Variants in FAM133B observed in about 807,000 individuals in gnomAD.
The protein encoded by FAM133B is protein FAM133B.
A neutral mutation model predicts 46.4 loss-of-function variants in FAM133B; 25 were observed. The ratio of observed to expected loss-of-function variants is 0.54; its 90% CI spans 0.39 to 0.75. FAM133B has a LOEUF of 0.75. FAM133B is among the 30% of genes least tolerant of loss of function. The pLI, the probability that FAM133B is intolerant of heterozygous loss-of-function variation, is 0.00. For missense variants in FAM133B, 205 were observed against 277.6 expected (o/e 0.74, Z 1.86); for synonymous variants, 75 against 86.0 (o/e 0.87, Z 0.71).
At chr7:92,582,614 G>A (rs1299699869) in intron 1 of FAM133B, among the ~76,000 whole-genome samples, 1 of 152,126 alleles carries the variant, frequency 6.6e-6, no homozygotes, top group African/African-American at 2.4e-5. Flanking sequence ...TATCCAGAAT[G>A]TAAAATGAGC....
intron 3 of FAM133B, 146 bp downstream of exon 3, chr7:92,579,171 G>A (rs1161111558): frequency 2.7e-5 from 17 of 622,102 alleles, no homozygotes; most frequent in South Asian, 1.3e-4. Flanking sequence ...AGACAAGGGC[G>A]GCGGGGGGGG....
At position 92,578,227 on chromosome 7, in the gene FAM133B, T is replaced by C. The variant is rs562978346; in HGVS notation, c.277-45A>G. The stretch of plus-strand genomic sequence containing the variant: ...CAAGTCTAAATAAGCTGATGTGAGT[T>C]TGCAAATGCATCTATTAACAGTAGT... On this transcript the variant is annotated intron_variant, in intron 4 of 10. Transcript: ENST00000445716. 14 of 1,604,990 alleles carry C rather than the reference T, an allele frequency of 8.7e-6. No individual in the cohort carries two copies. In the South Asian group the frequency reaches 1.5e-4, roughly 18 times the overall value.
intron 9 of FAM133B, among the ~76,000 whole-genome samples, chr7:92,566,899 G>A (rs1794366504): frequency 6.6e-6 from 1 of 152,130 alleles, no homozygotes; most frequent in Admixed American, 6.6e-5. Context: ...ATCTTTTTGA[G>A]TGTGGTACAC....
At chr7:92,564,614 C>T (rs1794273495) in intron 10 of FAM133B, among the ~76,000 whole-genome samples, 2 of 152,176 alleles carry the variant, frequency 1.3e-5, no homozygotes, top group African/African-American at 2.4e-5. Flanking sequence ...GGGGAGCCTT[C>T]CTATCAGAGA....
At chr7:92,563,960 A>C (rs1299081505) in intron 10 of FAM133B, among the ~76,000 whole-genome samples, 1 of 152,182 alleles carries the variant, frequency 6.6e-6, no homozygotes, top group Non-Finnish European at 1.5e-5. Flanking sequence ...CTCCTGTACC[A>C]AAGGATTTAC....
chr7:92,583,398 C>T (rs925523995), intron 1 of FAM133B, among the ~76,000 whole-genome samples: 8 of 152,164 alleles, frequency 5.3e-5, no homozygotes, highest in African/African-American at 1.7e-4. Context: ...GGTTGCACAA[C>T]ACTATGAATG....
chr7:92,580,037 T>C lies in FAM133B; in HGVS notation c.123-642A>G, dbSNP rs572833191. ...CCTAAAACTGTTTGTACAAACAATG[T>C]AGTTCAAGCTAAATACCTGTTTTCC... On this transcript the variant is annotated intron_variant, in intron 2 of 10. Coordinates refer to ENST00000445716, the MANE Select transcript of FAM133B (RefSeq NM_152789.4). 8.5e-5 allele frequency among the ~76,000 whole-genome samples: 13 copies of C among 152,272 alleles called. 1 individual carries two copies. In the East Asian group the frequency reaches 1.7e-3, roughly 20 times the overall value.
At chr7:92,565,176 A>T in intron 10 of FAM133B, among the ~76,000 whole-genome samples, 1 of 139,902 alleles carries the variant, frequency 7.1e-6, no homozygotes, top group Admixed American at 7.4e-5. Flanking sequence ...TTTAAGACGG[A>T]GTCTTGCTCT....
rs866529757 is a variant in FAM133B at position 92,575,937 on chromosome 7, C to A, written c.466-116G>T. On this transcript the variant is annotated intron_variant, in intron 7 of 10. Transcript: ENST00000445716. ...ATGACTGAAAAAAGGCTACTCCAAT[C>A]CCAGTATATTATTCCGAAAATTTAA... The A allele has an allele frequency of 8.9e-5, 40 of 447,284 alleles. 2 individuals are homozygous for A. In the Middle Eastern group the frequency reaches 5.2e-3, roughly 58 times the overall value. 27.7% of individuals were successfully genotyped at this position (447,284 alleles called of 1,614,324 possible). A position where few individuals can be genotyped will look rare whatever the true frequency, so the allele number is the denominator to read the frequency against.
rs145078617 is a variant in FAM133B at position 92,565,898 on chromosome 7, T to G, written c.657+116A>C. 669 of 1,124,626 alleles carry G rather than the reference T, an allele frequency of 5.9e-4. 10 individuals carry two copies. The East Asian group carries it at 0.014, about 23-fold the overall frequency. The allele number at this position is 1,124,626 out of a possible 1,614,324, so 69.7% of individuals were successfully genotyped here. Reference sequence around the variant, plus strand: ...TGAAGCTGCTGAACACACCACACCTTTCCCAACAAATACTTATTTGGTCCC... The same window carrying G: ...TGAAGCTGCTGAACACACCACACCTGTCCCAACAAATACTTATTTGGTCCC... On this transcript the variant is annotated intron_variant, in intron 10 of 10. Transcript: ENST00000445716.
At chr7:92,590,055 A>G (rs776344688) in intron 1 of FAM133B, 2 of 633,622 alleles carry the variant, frequency 3.2e-6, no homozygotes, top group African/African-American at 1.9e-5. Context: ...GAGGGAAGAA[A>G]AAAGGGGCGG....
intron 10 of FAM133B, among the ~76,000 whole-genome samples, chr7:92,562,687 G>A (rs2116369045): frequency 6.6e-6 from 1 of 152,060 alleles, no homozygotes; most frequent in South Asian, 2.1e-4. Flanking sequence ...AACTTCTAAA[G>A]GTAAAGTAAT....
chr7:92,568,103 T>G (rs1455320351), intron 9 of FAM133B, among the ~76,000 whole-genome samples: 1 of 152,042 alleles, frequency 6.6e-6, no homozygotes, highest in Non-Finnish European at 1.5e-5. Flanking sequence ...TTTATTTTTT[T>G]AAAGAGATAG....
chr7:92,569,541 T>A, intron 9 of FAM133B: 1 of 193,366 alleles, frequency 5.2e-6, no homozygotes, highest in Non-Finnish European at 1.1e-5. Context: ...GCTTCTTTCA[T>A]GTAACAAGAA....
chr7:92,573,786 T>A (rs1794608960), intron 8 of FAM133B, among the ~76,000 whole-genome samples: 1 of 152,126 alleles, frequency 6.6e-6, no homozygotes, highest in African/African-American at 2.4e-5. Flanking sequence ...CTTTCCTTGA[T>A]CAGTTAATAT....
intron 1 of FAM133B, among the ~76,000 whole-genome samples, chr7:92,586,691 T>C (rs1229865073): frequency 1.3e-5 from 2 of 152,162 alleles, no homozygotes; most frequent in Non-Finnish European, 2.9e-5. Context: ...CAAGGGGATA[T>C]GTATGGGGGC....
chr7:92,570,935 C>T (rs1005036573), intron 8 of FAM133B, among the ~76,000 whole-genome samples: 2 of 152,294 alleles, frequency 1.3e-5, no homozygotes, highest in East Asian at 3.9e-4. Context: ...TACAATATTA[C>T]ATAAATACCT....
Position 92,590,307 on chromosome 7 carries a change from G to T in FAM133B, c.-16C>A. The T allele has an allele frequency of 6.2e-7, 1 of 1,613,764 alleles. No homozygotes were observed. The highest frequency in any genetic ancestry group is 1.7e-5 in the Admixed American group (1 of 60,024). The stretch of plus-strand genomic sequence containing the variant: ...GCTTCCCCATGGTGCTGGATCGAGC[G>T]CACAGTAGCACGCCGAGGGAAACCG... On this transcript the variant is annotated 5_prime_UTR_variant, in exon 1 of 11. Transcript: ENST00000445716.
chr7:92,578,248 G>T, intron 4 of FAM133B, 66 bp from the exon 5 acceptor site: 1 of 1,594,578 alleles, frequency 6.3e-7, no homozygotes, highest in Non-Finnish European at 8.6e-7. Context: ...TCTATTAACA[G>T]TAGTATACAG....
Sources: gnomAD v4.1 joint callset for allele counts (sites outside exome capture counted in the v4.1 genomes callset) on GRCh38, gnomAD v4.1.1 for gene constraint, MANE v1.5 for transcripts, NCBI Gene and HGNC (gene_info 2026-07-23, HGNC 2026-07-21) for gene names.